The following EXOC4 variants were observed in gnomAD, a reference collection of about 807,000 sequenced individuals.
The protein encoded by EXOC4 is exocyst complex component 4.
A neutral mutation model predicts 107.2 loss-of-function variants in EXOC4; 71 were observed. That is an observed-to-expected ratio of 0.66 (90% CI 0.55 to 0.81). The LOEUF (loss-of-function observed/expected upper bound fraction) is 0.81. Ranked by LOEUF, EXOC4 falls within the 30% of genes least tolerant of loss-of-function variation. EXOC4 has a pLI of 0.00. For missense variants in EXOC4, 1,108 were observed against 1,189.6 expected (o/e 0.93, Z 1.01); for synonymous variants, 456 against 441.2 (o/e 1.03, Z -0.42).
chr7:133,652,801 G>C (rs1803194161), intron 10 of EXOC4, among the ~76,000 whole-genome samples: 1 of 152,132 alleles, frequency 6.6e-6, no homozygotes, highest in South Asian at 2.1e-4. Context: ...ATCATCATCA[G>C]TTTTACTTAC....
chr7:133,998,680 A>C (rs142383059), intron 15 of EXOC4, among the ~76,000 whole-genome samples: 2 of 152,278 alleles, frequency 1.3e-5, no homozygotes, highest in East Asian at 3.9e-4. Flanking sequence ...GACCAAGTGA[A>C]TCATTCAGAT....
chr7:133,985,751 C>T (rs186871994), intron 14 of EXOC4, among the ~76,000 whole-genome samples: 2 of 152,252 alleles, frequency 1.3e-5, no homozygotes, highest in Admixed American at 6.5e-5. Flanking sequence ...GACTTCAACA[C>T]CTCCATATTC....
At chr7:134,051,620 C>T (rs919551803) in intron 17 of EXOC4, among the ~76,000 whole-genome samples, 7 of 148,392 alleles carry the variant, frequency 4.7e-5, no homozygotes, top group Admixed American at 1.4e-4. Context: ...TGCAGTGAGC[C>T]GAGATCGCGC....
At chr7:133,387,917 A>T (rs1321986337) in intron 7 of EXOC4, among the ~76,000 whole-genome samples, 1 of 152,034 alleles carries the variant, frequency 6.6e-6, no homozygotes. Context: ...CACACAGTTA[A>T]GTATAAATGT....
the EXOC4 span, among the ~76,000 whole-genome samples, chr7:134,097,909 G>T: frequency 6.6e-6 from 1 of 152,128 alleles, no homozygotes; most frequent in African/African-American, 2.4e-5. Flanking sequence ...ACTGCCTTCT[G>T]ATCAAAACTT....
At chr7:133,525,261 A>G (rs1301013294) in intron 9 of EXOC4, among the ~76,000 whole-genome samples, 3 of 152,190 alleles carry the variant, frequency 2.0e-5, no homozygotes, top group Non-Finnish European at 4.4e-5. Flanking sequence ...CACTGCTGGT[A>G]GGCTAATATT....
intron 1 of EXOC4, among the ~76,000 whole-genome samples, chr7:133,254,449 A>G (rs972547069): frequency 2.0e-5 from 3 of 152,210 alleles, no homozygotes; most frequent in African/African-American, 7.2e-5. Flanking sequence ...TAAAATTCCA[A>G]TAAGAATGTT....
At chr7:133,723,613 C>G (rs2151109106) in intron 10 of EXOC4, among the ~76,000 whole-genome samples, 1 of 152,240 alleles carries the variant, frequency 6.6e-6, no homozygotes, top group Admixed American at 6.5e-5. Flanking sequence ...CCTCAGCCTC[C>G]CAAGTAGCTG....
intron 6 of EXOC4, among the ~76,000 whole-genome samples, chr7:133,361,009 C>T (rs2150666114): frequency 6.6e-6 from 1 of 152,260 alleles, no homozygotes; most frequent in East Asian, 1.9e-4. Context: ...TTGTCTTGTT[C>T]AGTACTGGTG....
intron 9 of EXOC4, among the ~76,000 whole-genome samples, chr7:133,490,802 T>C (rs530896707): frequency 3.9e-5 from 6 of 152,314 alleles, no homozygotes; most frequent in East Asian, 1.9e-4. Flanking sequence ...AAAGAATAAA[T>C]GTAATCACAT....
chr7:133,533,017 A>G (rs967711016), intron 9 of EXOC4, among the ~76,000 whole-genome samples: 18 of 152,126 alleles, frequency 1.2e-4, no homozygotes, highest in African/African-American at 3.6e-4. Flanking sequence ...CTGGGAATAC[A>G]GTAATTGAAG....
At chr7:133,641,913 A>G (rs1802865548) in intron 10 of EXOC4, among the ~76,000 whole-genome samples, 1 of 152,198 alleles carries the variant, frequency 6.6e-6, no homozygotes, top group African/African-American at 2.4e-5. Flanking sequence ...CTTACTTTGA[A>G]GCTTTTAAGA....
chr7:133,650,041 A>G (rs1803101458), intron 10 of EXOC4, among the ~76,000 whole-genome samples: 1 of 152,212 alleles, frequency 6.6e-6, no homozygotes, highest in South Asian at 2.1e-4. Flanking sequence ...AAATATACAA[A>G]ACTACTCAAA....
chr7:133,797,463 G>A (rs1796841116), intron 10 of EXOC4, among the ~76,000 whole-genome samples: 1 of 152,162 alleles, frequency 6.6e-6, no homozygotes, highest in South Asian at 2.1e-4. Flanking sequence ...AAGGACAGGT[G>A]ACAAGGTCTA....
rs186618887 is a variant in EXOC4 at position 133,712,708 on chromosome 7, G to A, written c.1514+82567G>A. 1.4e-3 allele frequency among the ~76,000 whole-genome samples: 207 copies of A among 152,180 alleles called. 1 individual carries two copies. Among genetic ancestry groups the A allele is most frequent in the African/African-American group, 4.4e-3 (181 of 41,512 alleles). On this transcript the variant is annotated intron_variant, in intron 10 of 17. Coordinates refer to ENST00000253861, the MANE Select transcript of EXOC4 (RefSeq NM_021807.4). The stretch of plus-strand genomic sequence containing the variant: ...CTGAAAGATAGAAATAGCCCAAATA[G>A]CCGTCAGCAAATATATGGATAAACA...
At chr7:133,508,360 T>C (rs1440297292) in intron 9 of EXOC4, among the ~76,000 whole-genome samples, 1 of 152,180 alleles carries the variant, frequency 6.6e-6, no homozygotes, top group Non-Finnish European at 1.5e-5. Flanking sequence ...TTTGCATTTC[T>C]AACAAGTCCT....
At chr7:133,437,774 T>C (rs771578559) in intron 7 of EXOC4, among the ~76,000 whole-genome samples, 1 of 152,202 alleles carries the variant, frequency 6.6e-6, no homozygotes, top group Non-Finnish European at 1.5e-5. Flanking sequence ...GTGTTCCCCA[T>C]CTGCTTTTTG....
chr7:133,601,844 C>G (rs1801814442), intron 9 of EXOC4: 1 of 152,432 alleles, frequency 6.6e-6, no homozygotes, highest in South Asian at 2.1e-4. Context: ...AGTCAAGCCA[C>G]ATGGCTTCCT....
intron 10 of EXOC4, among the ~76,000 whole-genome samples, chr7:133,669,192 G>C (rs1793889698): frequency 6.6e-6 from 1 of 152,000 alleles, no homozygotes; most frequent in Non-Finnish European, 1.5e-5. Context: ...TGACTGGAGG[G>C]AGGGGTAAGG....
Sources: gnomAD v4.1 joint callset for allele counts (sites outside exome capture counted in the v4.1 genomes callset) on GRCh38, gnomAD v4.1.1 for gene constraint, MANE v1.5 for transcripts, NCBI Gene and HGNC (gene_info 2026-07-23, HGNC 2026-07-21) for gene names.